The following THBS4 variants were observed in gnomAD, a reference collection of about 807,000 sequenced individuals.
THBS4 encodes the protein thrombospondin-4.
THBS4 carries 90 observed loss-of-function variants against 115.7 expected under a neutral mutation model. The observed-to-expected ratio is 0.78, with a 90% CI of 0.66 to 0.93. The LOEUF is 0.93. THBS4 is among the 40% of genes least tolerant of loss of function. The pLI, the probability that THBS4 is intolerant of heterozygous loss-of-function variation, is 0.00. For missense variants in THBS4, 1,087 were observed against 1,232.7 expected, an observed-to-expected ratio of 0.88 and a Z score of 1.77; for synonymous variants, 460 against 479.3, an observed-to-expected ratio of 0.96 and a Z score of 0.53.
rs529909226 is a variant in THBS4 at position 80,071,023 on chromosome 5, T to C, written c.1563T>C (p.Asp521=). The C allele has an allele frequency of 3.7e-6, 6 of 1,612,308 alleles. No homozygotes were observed. The African/African-American group carries it at 8.0e-5, about 22-fold the overall frequency. ...TGTTCTGTCCTTTCATCTTTTAGGA[T>C]AACTGTGTCCTGATTCATAATGTGG... The part of the protein sequence containing the change: ...ADGDGILNEQ[D]NCVLIHNVDQ... Residue 521 remains aspartate (D), a splice_region_variant and synonymous_variant, in exon 13 of 22, where the codon GAT becomes GAC. Transcript: ENST00000350881.
chr5:80,026,420 T>C (rs1014037978), intron 2 of THBS4, among the ~76,000 whole-genome samples: 15 of 152,194 alleles, frequency 9.9e-5, no homozygotes, highest in Non-Finnish European at 4.4e-5. Flanking sequence ...TTCTTCTGCT[T>C]AATAATTGAG....
intron 20 of THBS4, among the ~76,000 whole-genome samples, chr5:80,081,077 T>A (rs990923960): frequency 1.2e-4 from 19 of 152,200 alleles, no homozygotes; most frequent in African/African-American, 4.6e-4. Context: ...ATGTAGATAG[T>A]GTTCTTCTTC....
In THBS4 at chr5:80,068,084, G is replaced by C; in HGVS notation, c.1306G>C (p.Ala436Pro). 1 of 1,614,194 alleles carries C rather than the reference G, an allele frequency of 6.2e-7. No individual in the cohort carries two copies. Among genetic ancestry groups the C allele is most frequent in the Non-Finnish European group, 8.5e-7 (1 of 1,180,026 alleles). Residue 436 changes from alanine (A) to proline (P), a missense_variant, in exon 10 of 22, where the codon GCC becomes CCC. Ala to Pro is a conservative substitution (Grantham distance 27). Around this residue, in one of 3 missense-constraint regions of THBS4, gnomAD observed 979 missense variants for 1,103.7 expected, o/e 0.89. Transcript: ENST00000350881. ...AGAGCTGAACCCTTGCAGTGTGAAT[G>C]CCCAGTGCATTGAAGAGAGGCAGGG... ...NPELNPCSVN[A>P]QCIEERQGDV... is the part of the protein sequence containing the mutation.
At chr5:80,034,846 C>T (rs902166599), upstream of THBS4, among the ~76,000 whole-genome samples, 1 of 152,272 alleles carries the variant, frequency 6.6e-6, no homozygotes, top group Middle Eastern at 3.4e-3. Context: ...AAAAGAAACT[C>T]GCTGCTCTCT....
chr5:80,005,569 G>A (rs950365134), intron 2 of THBS4, among the ~76,000 whole-genome samples: 1 of 152,076 alleles, frequency 6.6e-6, no homozygotes, highest in African/African-American at 2.4e-5. Flanking sequence ...GAGAACTGGG[G>A]TCCAGGCTCT....
intron 2 of THBS4, among the ~76,000 whole-genome samples, chr5:80,005,383 T>C (rs975325440): frequency 3.3e-5 from 5 of 152,226 alleles, no homozygotes; most frequent in Non-Finnish European, 7.3e-5. Context: ...TTAATTTAAT[T>C]AGCAAATTTG....
chr5:80,016,343 C>T (rs1237838533), intron 2 of THBS4, among the ~76,000 whole-genome samples: 1 of 152,172 alleles, frequency 6.6e-6, no homozygotes, highest in African/African-American at 2.4e-5. Context: ...TTGTTGCCTT[C>T]CTCCCATATA....
chr5:80,046,956 A>G (rs1265693204), intron 2 of THBS4, among the ~76,000 whole-genome samples: 2 of 152,242 alleles, frequency 1.3e-5, no homozygotes, highest in African/African-American at 2.4e-5. Flanking sequence ...CAATGGGCCA[A>G]AATCAATCAG....
At chr5:80,061,870 T>G (rs916325526) in intron 8 of THBS4, 38 bp downstream of exon 8, 13 of 1,567,508 alleles carry the variant, frequency 8.3e-6, no homozygotes, top group Non-Finnish European at 1.1e-5. Context: ...TTTCTCATCT[T>G]AACAAAACAA....
intron 2 of THBS4, among the ~76,000 whole-genome samples, chr5:80,014,872 T>A (rs1561293974): frequency 6.6e-6 from 1 of 152,226 alleles, no homozygotes. Context: ...TCCAAGTCTG[T>A]CACTTAATTT....
intron 8 of THBS4, among the ~76,000 whole-genome samples, chr5:80,064,743 C>A (rs369585142): frequency 5.9e-4 from 90 of 151,730 alleles, no homozygotes; most frequent in African/African-American, 1.8e-3. Flanking sequence ...ACAACAACAA[C>A]AAAAAAATAT....
chr5:80,071,326 G>C, intron 13 of THBS4, 146 bp downstream of exon 13: 1 of 1,387,608 alleles, frequency 7.2e-7, no homozygotes, highest in Non-Finnish European at 9.5e-7. Flanking sequence ...GACCCAAGGT[G>C]GACTTGTGTC....
chr5:80,071,692 C>G (rs1834066047), intron 13 of THBS4: 1 of 164,850 alleles, frequency 6.1e-6, no homozygotes, highest in African/African-American at 2.4e-5. Flanking sequence ...ACACATACAC[C>G]ACTCCAGAAC....
rs539790678 is a variant in THBS4, at chr5:80,045,062, C to T, written c.292+4782C>T. On this transcript the variant is annotated intron_variant, in intron 2 of 21. Coordinates refer to ENST00000350881, the MANE Select transcript of THBS4 (RefSeq NM_003248.6). Reference sequence around the variant, plus strand: ...TAATAGCTACCTCACAGGCTGGTTGCAAGAACTGAATTATATAAGGTATAA... The same window carrying T: ...TAATAGCTACCTCACAGGCTGGTTGTAAGAACTGAATTATATAAGGTATAA... Among the ~76,000 whole-genome samples the T allele has an allele frequency of 2.6e-5, 4 of 152,270 alleles. No homozygotes were observed. The South Asian group carries it at 6.2e-4, about 24-fold the overall frequency.
intron 2 of THBS4, among the ~76,000 whole-genome samples, chr5:80,027,662 G>A (rs986611002): frequency 6.6e-5 from 10 of 152,036 alleles, no homozygotes; most frequent in Admixed American, 3.9e-4. Context: ...TTGGGAGGCG[G>A]AGGCAGGTGG....
intron 2 of THBS4, among the ~76,000 whole-genome samples, chr5:80,030,070 CT>C (rs1233812465): frequency 6.6e-6 from 1 of 152,146 alleles, no homozygotes; most frequent in Non-Finnish European, 1.5e-5. Context: ...TTTGGAATAG[CT>C]TTTTTCCTGT....
At chr5:80,042,522 G>T (rs1832935612) in intron 2 of THBS4, among the ~76,000 whole-genome samples, 1 of 152,166 alleles carries the variant, frequency 6.6e-6, no homozygotes, top group Non-Finnish European at 1.5e-5. Flanking sequence ...TGGAAAGTCT[G>T]TTGCTGGGAA....
At chr5:80,039,950 G>A (rs1561303494) in intron 1 of THBS4, 127 bp from the exon 2 acceptor site, 2 of 799,128 alleles carry the variant, frequency 2.5e-6, no homozygotes, top group South Asian at 3.3e-5. Context: ...TACGGAAAAG[G>A]GATTACAAGA....
chr5:80,040,218 T>C lies in THBS4; in HGVS notation c.230T>C (p.Leu77Pro). Reference sequence around the variant, plus strand: ...AAAAGTTCAGCCACCATCTTCGGTCTTTACTCTTCAACTGACAACAGTAAA... The same window carrying C: ...AAAAGTTCAGCCACCATCTTCGGTCCTTACTCTTCAACTGACAACAGTAAA... ...QTKSSATIFGLYSSTDNSKYF... is the reference protein window; with the variant it reads ...QTKSSATIFGPYSSTDNSKYF... The change falls in exon 2 of 22, where the codon CTT (leucine) becomes CCT (proline). Residue 77 changes from leucine (L) to proline (P), a missense_variant. By Grantham distance (98) the Leu-to-Pro change is moderately conservative. This residue lies in a region of THBS4 where 979 missense variants were observed against 1,103.7 expected (regional missense o/e 0.89). Coordinates refer to ENST00000350881, the MANE Select transcript of THBS4 (RefSeq NM_003248.6). 6.2e-7 allele frequency: 1 copy of C among 1,614,162 alleles called. No individual in the cohort carries two copies. The highest frequency in any genetic ancestry group is 8.5e-7 in the Non-Finnish European group (1 of 1,180,030).
Sources: allele counts gnomAD v4.1 joint callset (sites outside exome capture counted in the v4.1 genomes callset), GRCh38; gene constraint gnomAD v4.1.1; regional missense constraint gnomAD v4.1.1; transcripts MANE v1.5; gene names NCBI Gene and HGNC (gene_info 2026-07-23, HGNC 2026-07-21).